UBR3: variants seen among roughly 807,000 people sequenced by gnomAD.
The protein encoded by UBR3 is ubiquitin protein ligase E3 component n-recognin 3.
UBR3 carries 85 observed loss-of-function variants against 243.2 expected under a neutral mutation model. The observed-to-expected ratio is 0.35, with a 90% CI of 0.29 to 0.42. The LOEUF is 0.42. Ranked by LOEUF, UBR3 falls within the 10% of genes least tolerant of loss-of-function variation. The pLI, the probability that UBR3 is intolerant of heterozygous loss-of-function variation, is 1.00. For missense variants in UBR3, 1,686 were observed against 2,300.8 expected (o/e 0.73, Z 5.47); for synonymous variants, 748 against 799.8 (o/e 0.94, Z 1.09).
chr2:169,852,876 A>C lies in UBR3; in HGVS notation c.546-19360A>C, dbSNP rs888859573. On this transcript the variant is annotated intron_variant, in intron 1 of 38. Transcript: ENST00000272793. ...AAAAAAAAAAAAAAAAAAAAAAAAA[A>C]AACAAAACCAAACAAATTGAGTCCT... Among the ~76,000 whole-genome samples, 10 of 80,080 alleles carry C rather than the reference A, an allele frequency of 1.2e-4. 1 individual carries two copies. The highest frequency in any genetic ancestry group is 3.1e-4 in the African/African-American group (10 of 32,004). The allele number at this position is 80,080 out of a possible 152,430, so 52.5% of individuals were successfully genotyped here.
intron 10 of UBR3, among the ~76,000 whole-genome samples, chr2:169,911,765 G>A (rs73013711): frequency 0.044 from 6,640 of 152,030 alleles, 168 homozygotes; most frequent in Middle Eastern, 0.068. Flanking sequence ...GAGAACTTTC[G>A]GTTTTAAAAG....
At chr2:169,928,030 T>C (rs1211067131) in intron 17 of UBR3, among the ~76,000 whole-genome samples, 1 of 152,244 alleles carries the variant, frequency 6.6e-6, no homozygotes, top group Non-Finnish European at 1.5e-5. Flanking sequence ...GTATATCTTA[T>C]GACTATGTTT....
Position 169,910,082 on chromosome 2 carries a change from C to T in UBR3, c.1779+3918C>T, listed in dbSNP as rs544278259. ...TTTAAATAGGTTAAGTTTGAGATGT[C>T]CGTGAAATGTCCAAGTAGAAATAGT... On this transcript the variant is annotated intron_variant, in intron 10 of 38. Transcript: ENST00000272793. 2.0e-4 allele frequency among the ~76,000 whole-genome samples: 30 copies of T among 152,040 alleles called. No individual in the cohort carries two copies. In the East Asian group the frequency reaches 4.8e-3, roughly 24 times the overall value.
chr2:170,015,404 G>A, intron 30 of UBR3, 38 bp downstream of exon 30: 1 of 1,516,524 alleles, frequency 6.6e-7, no homozygotes, highest in Non-Finnish European at 9.0e-7. Context: ...AAAAAATTCT[G>A]TCATTTTTGG....
chr2:169,914,533 T>C (rs551948562), intron 11 of UBR3, among the ~76,000 whole-genome samples: 1 of 152,326 alleles, frequency 6.6e-6, no homozygotes, highest in East Asian at 1.9e-4. Context: ...ACTCTATTAA[T>C]TGGACAGTGT....
chr2:170,024,690 G>C (rs919403235), intron 30 of UBR3, among the ~76,000 whole-genome samples: 19 of 151,826 alleles, frequency 1.3e-4, no homozygotes, highest in Non-Finnish European at 2.9e-5. Flanking sequence ...TTACTTTTTG[G>C]TTCTAGCTAG....
chr2:170,056,016 T>C (rs1488708121), intron 33 of UBR3, among the ~76,000 whole-genome samples: 7 of 122,492 alleles, frequency 5.7e-5, no homozygotes, highest in Non-Finnish European at 3.4e-5. Context: ...TTTTTTTTTT[T>C]TTTTTTTTTG....
chr2:170,059,483 G>A (rs916779345), intron 33 of UBR3, among the ~76,000 whole-genome samples: 1 of 152,092 alleles, frequency 6.6e-6, no homozygotes, highest in African/African-American at 2.4e-5. Flanking sequence ...CAAATCTATG[G>A]TAGTGTTTTG....
At chr2:169,896,384 G>C (rs1288181529) in intron 7 of UBR3, 123 bp from the exon 8 acceptor site, 2 of 573,486 alleles carry the variant, frequency 3.5e-6, no homozygotes, top group Non-Finnish European at 5.6e-6. Context: ...TTTTTTTTAA[G>C]TTATCTTGGG....
At chr2:170,017,560 C>T (rs977206880) in intron 30 of UBR3, among the ~76,000 whole-genome samples, 1 of 138,586 alleles carries the variant, frequency 7.2e-6, no homozygotes, top group East Asian at 2.2e-4. Flanking sequence ...CACACACACA[C>T]ACACACACAC....
At chr2:169,861,545 T>G (rs2083090608) in intron 1 of UBR3, among the ~76,000 whole-genome samples, 1 of 148,966 alleles carries the variant, frequency 6.7e-6, no homozygotes, top group African/African-American at 2.5e-5. Context: ...ATGTGGAGGT[T>G]GCAGTGAGCC....
intron 24 of UBR3, 94 bp downstream of exon 24, chr2:169,958,620 C>CA (rs1280221866): frequency 9.1e-7 from 1 of 1,104,276 alleles, no homozygotes; most frequent in African/African-American, 1.6e-5. Flanking sequence ...AAACATTACA[C>CA]ACTTTTGATT....
At chr2:169,905,988 G>A in intron 9 of UBR3, 43 bp from the exon 10 acceptor site, 1 of 1,538,632 alleles carries the variant, frequency 6.5e-7, no homozygotes, top group Non-Finnish European at 8.8e-7. Flanking sequence ...ATGAATGTGT[G>A]CTTCCACTTG....
At chr2:169,968,953 C>T (rs968825301) in intron 24 of UBR3, among the ~76,000 whole-genome samples, 1 of 151,964 alleles carries the variant, frequency 6.6e-6, no homozygotes, top group African/African-American at 2.4e-5. Flanking sequence ...TCATGTTGAC[C>T]TTTTTGTTTT....
intron 13 of UBR3, among the ~76,000 whole-genome samples, chr2:169,924,880 A>G (rs1159344176): frequency 1.3e-5 from 2 of 152,122 alleles, no homozygotes; most frequent in African/African-American, 2.4e-5. Context: ...TGAATATACA[A>G]AAATTAGCTG....
At chr2:169,866,238 CAG>C (rs2083257474) in intron 1 of UBR3, among the ~76,000 whole-genome samples, 1 of 108,988 alleles carries the variant, frequency 9.2e-6, no homozygotes, top group Non-Finnish European at 1.7e-5. Context: ...GCCTGGGCAA[CAG>C]AGTGAGACTG....
chr2:169,834,562 T>C (rs1044488763), intron 1 of UBR3, among the ~76,000 whole-genome samples: 1 of 152,234 alleles, frequency 6.6e-6, no homozygotes, highest in Non-Finnish European at 1.5e-5. Context: ...GCAGTATATA[T>C]GGTGGTATCA....
chr2:170,066,705 G>A (rs112979631), intron 35 of UBR3, among the ~76,000 whole-genome samples: 8,830 of 152,134 alleles, frequency 0.058, 287 homozygotes, highest in African/African-American at 0.08. Context: ...AATGGCTCAC[G>A]CCTGTAATCC....
chr2:170,066,235 G>A (rs1357152535), intron 35 of UBR3, among the ~76,000 whole-genome samples: 2 of 152,128 alleles, frequency 1.3e-5, no homozygotes, highest in East Asian at 3.8e-4. Context: ...GTTCTCCACA[G>A]TAATCTATTA....
Sources: allele counts gnomAD v4.1 joint callset (sites outside exome capture counted in the v4.1 genomes callset), GRCh38; gene constraint gnomAD v4.1.1; transcripts MANE v1.5; gene names NCBI Gene and HGNC (gene_info 2026-07-23, HGNC 2026-07-21).